BTBD7: variants seen among roughly 807,000 people sequenced by gnomAD.
The protein encoded by BTBD7 is BTB/POZ domain-containing protein 7.
Under a neutral mutation model 99.9 loss-of-function variants are expected in BTBD7, and 38 were observed. The observed-to-expected ratio is 0.38, with a 90% CI of 0.29 to 0.50. The LOEUF is 0.50. BTBD7 is among the 20% of genes least tolerant of loss of function. The pLI, the probability that BTBD7 is intolerant of heterozygous loss-of-function variation, is 0.93. For synonymous variants in BTBD7, 520 were observed against 511.4 expected (o/e 1.02, Z -0.23); for missense variants, 1,170 against 1,394.6 (o/e 0.84, Z 2.57).
At position 93,310,763 on chromosome 14, in the gene BTBD7, C is replaced by A. The variant is rs1235611164; in HGVS notation, c.-106-14606G>T. Among the ~76,000 whole-genome samples the A allele has an allele frequency of 8.3e-4, 117 of 141,588 alleles. 1 individual carries two copies. Among genetic ancestry groups the A allele is most frequent in the African/African-American group, 3.1e-3 (114 of 37,318 alleles). 92.9% of individuals were successfully genotyped at this position (141,588 alleles called of 152,430 possible). On this transcript the variant is annotated intron_variant, in intron 1 of 10. Coordinates refer to ENST00000334746, the MANE Select transcript of BTBD7 (RefSeq NM_001002860.4). ...TCCAAAAACAAACAAACAAAAAAAC[C>A]AAAAAACTTTTTTTTTTTTTTTTTT...
At chr14:93,277,146 C>T (rs1040597922) in intron 3 of BTBD7, among the ~76,000 whole-genome samples, 2 of 152,106 alleles carry the variant, frequency 1.3e-5, no homozygotes, top group African/African-American at 4.8e-5. Context: ...AGGTGATCCG[C>T]CCACCTTGGC....
chr14:93,268,018 A>G (rs2052559969), intron 3 of BTBD7, among the ~76,000 whole-genome samples: 1 of 152,156 alleles, frequency 6.6e-6, no homozygotes, highest in Non-Finnish European at 1.5e-5. Flanking sequence ...TCCAAGCTAC[A>G]TCTCCCTTGA....
intron 5 of BTBD7, among the ~76,000 whole-genome samples, chr14:93,260,832 C>T (rs976274882): frequency 2.0e-5 from 3 of 152,184 alleles, no homozygotes; most frequent in South Asian, 4.1e-4. Context: ...GGATTACAGG[C>T]GTGAGCCACT....
chr14:93,277,684 A>G (rs1309781421), intron 3 of BTBD7, among the ~76,000 whole-genome samples: 1 of 152,212 alleles, frequency 6.6e-6, no homozygotes, highest in Non-Finnish European at 1.5e-5. Context: ...ACCTTATGGT[A>G]AATGTTAAAT....
In BTBD7 at chr14:93,261,603, T is replaced by A; in HGVS notation, c.1446A>T (p.Arg482Ser). The change falls in exon 5 of 11, where the codon AGA becomes AGT. Residue 482 changes from arginine (R) to serine (S), a missense_variant and splice_region_variant. By Grantham distance (110) the Arg-to-Ser change is moderately radical. Around this residue, in one of 4 missense-constraint regions of BTBD7, gnomAD observed 309 missense variants for 342.0 expected, o/e 0.90. Coordinates refer to ENST00000334746, the MANE Select transcript of BTBD7 (RefSeq NM_001002860.4). The stretch of plus-strand genomic sequence containing the variant: ...TGCAAGCTAATTTTCGGAGCTTACC[T>A]CTATCTGCTATTCTTTTCATCAACT... ...EHQLMKRIAD[R>S]EPNLLSGTAH... 6.2e-7 allele frequency: 1 copy of A among 1,610,218 alleles called. No homozygotes were observed. The highest frequency in any genetic ancestry group is 8.5e-7 in the Non-Finnish European group (1 of 1,177,814).
At chr14:93,251,212 C>T (rs923591374) in intron 8 of BTBD7, among the ~76,000 whole-genome samples, 2 of 152,202 alleles carry the variant, frequency 1.3e-5, no homozygotes, top group Non-Finnish European at 2.9e-5. Context: ...AATAATCCAG[C>T]CCCAAATGTC....
At chr14:93,253,567 T>G in intron 7 of BTBD7, 80 bp downstream of exon 7, 1 of 1,293,058 alleles carries the variant, frequency 7.7e-7, no homozygotes, top group Non-Finnish European at 1.0e-6. Context: ...TTCCAAATAT[T>G]TAAGTAATAC....
chr14:93,298,907 G>A (rs2052960815), intron 1 of BTBD7, among the ~76,000 whole-genome samples: 1 of 152,186 alleles, frequency 6.6e-6, no homozygotes, highest in Non-Finnish European at 1.5e-5. Context: ...GCTACAATAA[G>A]CAGTAGTAGC....
At chr14:93,300,586 T>A (rs2052982461) in intron 1 of BTBD7, among the ~76,000 whole-genome samples, 1 of 151,392 alleles carries the variant, frequency 6.6e-6, no homozygotes, top group East Asian at 2.0e-4. Context: ...CTTTCTATGC[T>A]GCCCAGCTAG....
At chr14:93,257,684 C>T (rs2052445496) in intron 5 of BTBD7, among the ~76,000 whole-genome samples, 1 of 152,130 alleles carries the variant, frequency 6.6e-6, no homozygotes, top group Non-Finnish European at 1.5e-5. Flanking sequence ...TTTAAAAAGC[C>T]TTCTCACTTT....
At chr14:93,332,719 G>GC in intron 1 of BTBD7, 101 bp downstream of exon 1, 1 of 1,329,080 alleles carries the variant, frequency 7.5e-7, no homozygotes, top group South Asian at 1.9e-5. Context: ...CAGCCCCGGC[G>GC]CCCCCACGCC....
intron 3 of BTBD7, among the ~76,000 whole-genome samples, chr14:93,286,491 G>T (rs1015793999): frequency 6.6e-6 from 1 of 152,186 alleles, no homozygotes; most frequent in Admixed American, 6.5e-5. Flanking sequence ...CCCAAGTCGG[G>T]GGTAATGATT....
At chr14:93,258,222 TGAGA>T (rs972073308) in intron 5 of BTBD7, among the ~76,000 whole-genome samples, 4 of 149,200 alleles carry the variant, frequency 2.7e-5, no homozygotes, top group African/African-American at 9.8e-5. Flanking sequence ...TGTGTGTGTA[TGAGA>T]GAGAGAGAGA....
At chr14:93,269,399 C>A (rs560253285) in intron 3 of BTBD7, among the ~76,000 whole-genome samples, 1 of 152,178 alleles carries the variant, frequency 6.6e-6, no homozygotes, top group Non-Finnish European at 1.5e-5. Flanking sequence ...CACGGTGCCA[C>A]ATCCTTGGTA....
chr14:93,300,704 T>TG (rs2052985751), intron 1 of BTBD7, among the ~76,000 whole-genome samples: 6 of 87,052 alleles, frequency 6.9e-5, no homozygotes, highest in Admixed American at 1.5e-4. Flanking sequence ...CCCAGCTAAT[T>TG]TGTGTGTGTG....
At chr14:93,261,489 T>C in intron 5 of BTBD7, 113 bp downstream of exon 5, 1 of 844,792 alleles carries the variant, frequency 1.2e-6, no homozygotes, top group Non-Finnish European at 2.0e-6. Context: ...AAACTTCCAT[T>C]TTCACCAGGC....
At chr14:93,257,433 C>G in intron 5 of BTBD7, 78 bp from the exon 6 acceptor site, 1 of 1,344,890 alleles carries the variant, frequency 7.4e-7, no homozygotes, top group South Asian at 1.4e-5. Flanking sequence ...CTAGTACATA[C>G]ACTAACAGTA....
intron 1 of BTBD7, chr14:93,332,475 C>T (rs1166769349): frequency 6.1e-6 from 1 of 164,370 alleles, no homozygotes; most frequent in Non-Finnish European, 1.3e-5. Flanking sequence ...GGGTCCCGCC[C>T]CTCGGCGCCC....
chr14:93,263,909 T>A lies in BTBD7; in HGVS notation c.1247A>T (p.Lys416Ile), dbSNP rs1332236061. Residue 416 changes from lysine (K) to isoleucine (I), a missense_variant, in exon 4 of 11, where the codon AAA (lysine) becomes ATA (isoleucine). This residue lies in a region of BTBD7 where 309 missense variants were observed against 342.0 expected (regional missense o/e 0.90). Coordinates refer to ENST00000334746, the MANE Select transcript of BTBD7 (RefSeq NM_001002860.4). ...LKWSSHPYGSKWVHRQALHFL... is the reference protein window; with the variant it reads ...LKWSSHPYGSIWVHRQALHFL... ...ATGTAAAGCTTGTCGGTGCACCCAT[T>A]TAGAGCCATATGGATGAGAACTCCA... is the stretch of plus-strand genomic sequence containing the variant. The A allele has an allele frequency of 3.7e-6, 6 of 1,614,134 alleles. No individual in the cohort carries two copies. Among genetic ancestry groups the A allele is most frequent in the Non-Finnish European group, 5.1e-6 (6 of 1,179,998 alleles).
Sources: gnomAD v4.1 joint callset for allele counts (sites outside exome capture counted in the v4.1 genomes callset) on GRCh38, gnomAD v4.1.1 for gene constraint, gnomAD v4.1.1 regional missense constraint, MANE v1.5 for transcripts, NCBI Gene and HGNC (gene_info 2026-07-23, HGNC 2026-07-21) for gene names.